SPATA21: variants seen among roughly 807,000 people sequenced by gnomAD.
SPATA21 encodes spermatogenesis associated 21.
Under a neutral mutation model 54.8 loss-of-function variants are expected in SPATA21, and 47 were observed. The ratio of observed to expected loss-of-function variants is 0.86; its 90% CI spans 0.68 to 1.09. The LOEUF (loss-of-function observed/expected upper bound fraction) is 1.09, where lower values mean the gene tolerates loss of function less well. Among genes scored for constraint, SPATA21 ranks in the 50% least tolerant of loss-of-function variants. The pLI is 0.00. For synonymous variants in SPATA21, 245 were observed against 235.3 expected, an observed-to-expected ratio of 1.04 and a Z score of -0.38; for missense variants, 599 against 596.4, an observed-to-expected ratio of 1.00 and a Z score of -0.05.
At position 16,428,671 on chromosome 1, in the gene SPATA21, T is replaced by C. The variant is rs1275078586; in HGVS notation, c.34+2667A>G. Among the ~76,000 whole-genome samples, 1 of 152,064 alleles carries C rather than the reference T, an allele frequency of 6.6e-6. No individual in the cohort carries two copies. Among genetic ancestry groups the C allele is most frequent in the African/African-American group, 2.4e-5 (1 of 41,412 alleles). ...GATTACAGGCATGAGGCACCGCACC[T>C]GGCCTGAACTGGGTTTTGATCACTA... On this transcript the variant is annotated intron_variant, in intron 3 of 12. Coordinates refer to ENST00000335496, the MANE Select transcript of SPATA21 (RefSeq NM_198546.1). This position sits in a 1 kb window ranked among gnomAD's most constrained non-coding sequence, Gnocchi z 4.3.
At position 16,403,786 on chromosome 1, in the gene SPATA21, G is replaced by A. The variant is rs140198122; in HGVS notation, c.942C>T (p.Ile314=). ...CCAGCATCTCTACCAGCAGGGACAG[G>A]ATCTCAAAGAGTAGAGTGTGGGGGT... The part of the protein sequence containing the change: ...PHNPHTLLFE[I]LSLLVEMLAL... The change falls in exon 10 of 13, where the codon ATC becomes ATT. Residue 314 remains isoleucine (I), a synonymous_variant. Coordinates refer to ENST00000335496, the MANE Select transcript of SPATA21 (RefSeq NM_198546.1). 1,666 of 1,613,452 alleles carry A rather than the reference G, an allele frequency of 1.0e-3. 6 individuals carry two copies. Among genetic ancestry groups the A allele is most frequent in the Non-Finnish European group, 6.3e-4 (741 of 1,179,724 alleles).
Position 16,409,315 on chromosome 1 carries a change from G to T in SPATA21, c.588-112C>A. The T allele has an allele frequency of 8.9e-7, 1 of 1,126,044 alleles. No individual in the cohort carries two copies. The highest frequency in any genetic ancestry group is 2.1e-5 in the Admixed American group (1 of 46,876). 69.8% of individuals were successfully genotyped at this position (1,126,044 alleles called of 1,614,324 possible). A position where few individuals can be genotyped will look rare whatever the true frequency, so the allele number is the denominator to read the frequency against. On this transcript the variant is annotated intron_variant, in intron 6 of 12. Transcript: ENST00000335496. This position sits in a 1 kb window ranked among gnomAD's most constrained non-coding sequence, Gnocchi z 4.1. ...AGGAGGTCGTGGGGGAGGCTTTGGG[G>T]AGCCCGGAGAGATCAAGAATGGCAG... is the stretch of plus-strand genomic sequence containing the variant.
rs1468215895 is a variant in SPATA21, at chr1:16,400,564, A to G, written c.1174+156T>C. On this transcript the variant is annotated intron_variant, in intron 11 of 12. Transcript: ENST00000335496. ...GCCTGGATGGAAAATAGTGATTATCAGCCTGTTTTCTGATGTACACAGTTA... is the reference window on the plus strand; with the variant it reads ...GCCTGGATGGAAAATAGTGATTATCGGCCTGTTTTCTGATGTACACAGTTA... The G allele has an allele frequency of 6.2e-6, 9 of 1,453,726 alleles. No individual in the cohort carries two copies. The East Asian group carries it at 1.7e-4, about 27-fold the overall frequency. The allele number at this position is 1,453,726 out of a possible 1,614,324, so 90.1% of individuals were successfully genotyped here.
chr1:16,431,335 T>G lies in SPATA21; in HGVS notation c.34+3A>C. 1 of 1,614,162 alleles carries G rather than the reference T, an allele frequency of 6.2e-7. No homozygotes were observed. Among genetic ancestry groups the G allele is most frequent in the Non-Finnish European group, 8.5e-7 (1 of 1,180,008 alleles). On this transcript the variant is annotated splice_donor_region_variant and intron_variant, in intron 3 of 12. Transcript: ENST00000335496. ...GGCTGCGTCCCTGGAGCCTTGGTTC[T>G]ACCCTCCGTGTACATCTGGGTGTTT...
intron 5 of SPATA21, among the ~76,000 whole-genome samples, chr1:16,411,074 C>A (rs955978216): frequency 6.6e-6 from 1 of 152,202 alleles, no homozygotes; most frequent in African/African-American, 2.4e-5. Flanking sequence ...CCAGGCCAGG[C>A]TTTTCTCCCA....
chr1:16,435,465 T>A (rs140350062), intron 1 of SPATA21, among the ~76,000 whole-genome samples: 6 of 151,894 alleles, frequency 4.0e-5, no homozygotes, highest in African/African-American at 9.7e-5. Flanking sequence ...TACAGGTGTG[T>A]GCCACCACAC....
chr1:16,407,195 T>C (rs1277710601), intron 7 of SPATA21, among the ~76,000 whole-genome samples: 4 of 152,072 alleles, frequency 2.6e-5, no homozygotes, highest in African/African-American at 9.7e-5. Flanking sequence ...GGGCACGTGG[T>C]GACCTGTCGT....
At chr1:16,434,554 CCAA>C in intron 1 of SPATA21, among the ~76,000 whole-genome samples, 1 of 152,186 alleles carries the variant, frequency 6.6e-6, no homozygotes, top group East Asian at 1.9e-4. Context: ...CCTTGGCCTC[CCAA>C]AGTGCTGAGA....
chr1:16,405,133 G>A, intron 7 of SPATA21, 29 bp from the exon 8 acceptor site: 3 of 1,582,826 alleles, frequency 1.9e-6, no homozygotes, highest in African/African-American at 1.4e-5. Flanking sequence ...TATGTGGAGT[G>A]GGGGCATTTC....
chr1:16,433,290 G>A (rs915367302), intron 1 of SPATA21, among the ~76,000 whole-genome samples: 2 of 152,200 alleles, frequency 1.3e-5, no homozygotes, highest in Non-Finnish European at 2.9e-5. Flanking sequence ...CTGCACCCCT[G>A]CCATGCAAAG....
intron 3 of SPATA21, among the ~76,000 whole-genome samples, chr1:16,423,448 TA>T (rs1179511279): frequency 6.7e-6 from 1 of 148,576 alleles, no homozygotes; most frequent in Non-Finnish European, 1.5e-5. Flanking sequence ...TATATTATGG[TA>T]TATCCATAGA....
chr1:16,405,413 TAGG>T (rs1211989142), intron 7 of SPATA21, among the ~76,000 whole-genome samples: 5 of 143,942 alleles, frequency 3.5e-5, no homozygotes, highest in African/African-American at 1.3e-4. Flanking sequence ...TAGGCTGAGA[TAGG>T]AGGATTGCTT....
At chr1:16,412,216 C>T (rs1028677633) in intron 5 of SPATA21, among the ~76,000 whole-genome samples, 9 of 152,170 alleles carry the variant, frequency 5.9e-5, no homozygotes, top group African/African-American at 1.9e-4. Context: ...AAAAGTCATC[C>T]TGCTGCCCAT....
At chr1:16,426,501 CGCCA>C (rs1557670483) in intron 3 of SPATA21, among the ~76,000 whole-genome samples, 17 of 148,570 alleles carry the variant, frequency 1.1e-4, no homozygotes, top group African/African-American at 3.5e-4. Context: ...TTAAGTGATC[CGCCA>C]ACCTCAACTT....
chr1:16,403,489 T>TTC lies in SPATA21; in HGVS notation c.1001+237_1001+238insGA, dbSNP rs1359478426. Among the ~76,000 whole-genome samples, 314 of 121,348 alleles carry TTC rather than the reference T, an allele frequency of 2.6e-3. 5 individuals are homozygous for TTC. The highest frequency in any genetic ancestry group is 8.6e-3 in the African/African-American group (300 of 34,704). 79.6% of individuals were successfully genotyped at this position (121,348 alleles called of 152,430 possible). A position where few individuals can be genotyped will look rare whatever the true frequency, so the allele number is the denominator to read the frequency against. ...GTTTTATTCTAGTTTTTTTCTTTTT[T>TTC]TTCTTTTTTTTTTTTTTGAGACAGA... On this transcript the variant is annotated intron_variant, in intron 10 of 12. Transcript: ENST00000335496.
intron 3 of SPATA21, chr1:16,425,258 C>T: frequency 1.6e-6 from 1 of 618,878 alleles, no homozygotes; most frequent in Non-Finnish European, 3.0e-6. Context: ...GGGAATAGCC[C>T]AGTGACCCAC....
intron 1 of SPATA21, among the ~76,000 whole-genome samples, chr1:16,433,571 C>T (rs961187016): frequency 2.0e-5 from 3 of 152,228 alleles, no homozygotes; most frequent in African/African-American, 4.8e-5. Flanking sequence ...CTATTGTCCA[C>T]TGTCTCTGCC....
chr1:16,415,221 C>T (rs2085967636), intron 5 of SPATA21, among the ~76,000 whole-genome samples: 1 of 152,180 alleles, frequency 6.6e-6, no homozygotes, highest in African/African-American at 2.4e-5. Context: ...CCTGTACTAT[C>T]AGCTACTTGA....
intron 10 of SPATA21, among the ~76,000 whole-genome samples, chr1:16,403,194 T>A (rs966443083): frequency 5.3e-5 from 8 of 152,150 alleles, no homozygotes; most frequent in African/African-American, 1.7e-4. Flanking sequence ...CTGACCCAGA[T>A]AGGGTCCATC....
Sources: allele counts gnomAD v4.1 joint callset (sites outside exome capture counted in the v4.1 genomes callset), GRCh38; gene constraint gnomAD v4.1.1; non-coding constraint Gnocchi (gnomAD v3.1); transcripts MANE v1.5; gene names NCBI Gene and HGNC (gene_info 2026-07-23, HGNC 2026-07-21).